LMO7: variants seen among roughly 807,000 people sequenced by gnomAD.
The protein encoded by LMO7 is LIM domain 7.
In LMO7, 120 loss-of-function variants were observed where a neutral mutation model predicts 206.5. That is an observed-to-expected ratio of 0.58 (90% CI 0.50 to 0.68). The LOEUF is 0.68. Among genes scored for constraint, LMO7 ranks in the 30% least tolerant of loss-of-function variants. The pLI is 0.00. For synonymous variants in LMO7, 706 were observed against 681.5 expected (o/e 1.04, Z -0.56); for missense variants, 1,959 against 1,957.9 (o/e 1.00, Z -0.01).
intron 1 of LMO7, among the ~76,000 whole-genome samples, chr13:75,707,004 A>C (rs2042706830): frequency 6.6e-6 from 1 of 151,996 alleles, no homozygotes; most frequent in Admixed American, 6.5e-5. Context: ...GATTGCATAG[A>C]TAATAAGAAA....
chr13:75,837,833 C>T (rs1421401294), intron 19 of LMO7, among the ~76,000 whole-genome samples: 4 of 152,004 alleles, frequency 2.6e-5, no homozygotes, highest in Non-Finnish European at 5.9e-5. Flanking sequence ...ATTTCCTTTT[C>T]CCTAAAACGG....
chr13:75,813,094 C>A (rs1476693717), intron 11 of LMO7, among the ~76,000 whole-genome samples: 1 of 152,166 alleles, frequency 6.6e-6, no homozygotes, highest in Non-Finnish European at 1.5e-5. Flanking sequence ...AGATAATTCA[C>A]GTAGACTGCT....
In LMO7 at chr13:75,645,839, A is replaced by C. The variant is rs1692388618; in HGVS notation, c.69+9113A>C. 2.0e-5 allele frequency among the ~76,000 whole-genome samples: 3 copies of C among 152,308 alleles called. No individual in the cohort carries two copies. In the South Asian group the frequency reaches 6.2e-4, roughly 32 times the overall value. On this transcript the variant is annotated intron_variant, in intron 1 of 30. Transcript: ENST00000377534. Reference sequence around the variant, plus strand: ...TCCTCCTAATTATTGTTCATCAGTGAATGTTAGAACATCCAAGGACTCATC... The same window carrying C: ...TCCTCCTAATTATTGTTCATCAGTGCATGTTAGAACATCCAAGGACTCATC...
At chr13:75,699,120 G>C (rs897896057) in intron 1 of LMO7, among the ~76,000 whole-genome samples, 2 of 151,990 alleles carry the variant, frequency 1.3e-5, no homozygotes, top group African/African-American at 4.8e-5. Flanking sequence ...TTATGTGATG[G>C]CATGTATTAG....
chr13:75,673,132 G>C (rs899342065), intron 1 of LMO7, among the ~76,000 whole-genome samples: 1 of 152,172 alleles, frequency 6.6e-6, no homozygotes, highest in Non-Finnish European at 1.5e-5. Flanking sequence ...ATTTAAGTGT[G>C]AGGCATGAGC....
chr13:75,734,353 A>G (rs2045588294), intron 3 of LMO7, among the ~76,000 whole-genome samples: 1 of 152,232 alleles, frequency 6.6e-6, no homozygotes, highest in Non-Finnish European at 1.5e-5. Context: ...ATCCTTAAAA[A>G]TCATTGCAAT....
At chr13:75,745,599 C>T (rs181911645) in intron 3 of LMO7, among the ~76,000 whole-genome samples, 36 of 152,140 alleles carry the variant, frequency 2.4e-4, no homozygotes, top group East Asian at 1.5e-3. Flanking sequence ...GTCATTATTC[C>T]GGGTGTGTTT....
chr13:75,754,275 C>T lies in LMO7; in HGVS notation c.211-6657C>T, dbSNP rs189907507. On this transcript the variant is annotated intron_variant, in intron 3 of 30. Transcript: ENST00000377534. ...CTGGATATTTTATACAAATGGAATA[C>T]GTGACTTTTGTTTTCTGGCTTCTTT... Among the ~76,000 whole-genome samples the T allele has an allele frequency of 1.0e-3, 154 of 152,284 alleles. 1 individual carries two copies. The highest frequency in any genetic ancestry group is 3.6e-3 in the African/African-American group (149 of 41,574).
At chr13:75,676,674 G>A (rs550503101) in intron 1 of LMO7, among the ~76,000 whole-genome samples, 15 of 152,266 alleles carry the variant, frequency 9.9e-5, no homozygotes, top group African/African-American at 2.9e-4. Flanking sequence ...TTCAAACCTC[G>A]TTTCACTAGC....
At position 75,807,542 on chromosome 13, in the gene LMO7, A is replaced by C. The variant is rs370413638; in HGVS notation, c.1259A>C (p.His420Pro). 4.3e-6 allele frequency: 7 copies of C among 1,613,804 alleles called. No homozygotes were observed. The highest frequency in any genetic ancestry group is 1.3e-5 in the African/African-American group (1 of 74,910). ...YSDDILSSETHTKIDPTSGPR... is the reference protein window; with the variant it reads ...YSDDILSSETPTKIDPTSGPR... The stretch of plus-strand genomic sequence containing the variant: ...GATGACATCTTGTCTTCTGAAACAC[A>C]TACCAAAATTGATCCCACTTCTGGC... Residue 420 changes from histidine to proline, a missense_variant, in exon 10 of 31, where the codon CAT (histidine) becomes CCT (proline). Transcript: ENST00000377534.
At chr13:75,697,118 T>C (rs748253667) in intron 1 of LMO7, among the ~76,000 whole-genome samples, 1 of 152,086 alleles carries the variant, frequency 6.6e-6, no homozygotes. Flanking sequence ...CACATTCAGA[T>C]TGGCATGAGG....
intron 15 of LMO7, among the ~76,000 whole-genome samples, chr13:75,825,079 C>A (rs2057983825): frequency 6.6e-6 from 1 of 151,712 alleles, no homozygotes; most frequent in Non-Finnish European, 1.5e-5. Context: ...AGGTATATTT[C>A]TTTTGTTTTT....
At chr13:75,737,766 AT>A (rs1323842726) in intron 3 of LMO7, among the ~76,000 whole-genome samples, 9,299 of 26,898 alleles carry the variant, frequency 0.35, 1,228 homozygotes, top group Non-Finnish European at 0.4. Flanking sequence ...AAAAAAAAAA[AT>A]AAAATAAAAT....
intron 28 of LMO7, chr13:75,855,001 G>A: frequency 2.6e-6 from 1 of 378,664 alleles, no homozygotes; most frequent in Non-Finnish European, 4.9e-6. Context: ...ATCAGAAACT[G>A]CAGGATGGAC....
chr13:75,810,860 C>T (rs1265113212), intron 11 of LMO7, among the ~76,000 whole-genome samples: 4 of 152,106 alleles, frequency 2.6e-5, no homozygotes, highest in Admixed American at 1.3e-4. Flanking sequence ...AAACCTAAAA[C>T]CAAAGCTTGA....
intron 4 of LMO7, among the ~76,000 whole-genome samples, chr13:75,781,834 T>C (rs1244978117): frequency 4.6e-5 from 7 of 152,202 alleles, no homozygotes; most frequent in Non-Finnish European, 4.4e-5. Flanking sequence ...TGGTGTGAGA[T>C]GGTATCTCAT....
chr13:75,804,582 C>A, intron 8 of LMO7, 41 bp downstream of exon 8: 2 of 1,588,768 alleles, frequency 1.3e-6, no homozygotes, highest in South Asian at 1.1e-5. Context: ...GTATGCTTTT[C>A]GAATATGGTA....
intron 15 of LMO7, among the ~76,000 whole-genome samples, chr13:75,830,231 G>T (rs575831482): frequency 1.1e-4 from 17 of 152,222 alleles, no homozygotes; most frequent in African/African-American, 4.1e-4. Context: ...GAAGTTTCAG[G>T]AATAATTTAC....
chr13:75,774,652 A>C (rs1429479284), intron 4 of LMO7, among the ~76,000 whole-genome samples: 2 of 151,990 alleles, frequency 1.3e-5, no homozygotes, highest in African/African-American at 4.8e-5. Context: ...TGGCTGTTTT[A>C]ATATACATTA....
Sources: gnomAD v4.1 joint callset for allele counts (sites outside exome capture counted in the v4.1 genomes callset) on GRCh38, gnomAD v4.1.1 for gene constraint, MANE v1.5 for transcripts, NCBI Gene and HGNC (gene_info 2026-07-23, HGNC 2026-07-21) for gene names.